The following SIM1 variants were observed in gnomAD, a reference collection of about 807,000 sequenced individuals.
SIM1 encodes the protein SIM bHLH transcription factor 1, also known as single-minded homolog 1.
SIM1 carries 18 observed loss-of-function variants against 78.2 expected under a neutral mutation model. The observed-to-expected ratio is 0.23, with a 90% CI of 0.16 to 0.34. The LOEUF is 0.34. SIM1 is among the 10% of genes least tolerant of loss of function. SIM1 has a pLI of 1.00. For missense variants in SIM1, 939 were observed against 975.1 expected, an observed-to-expected ratio of 0.96 and a Z score of 0.49; for synonymous variants, 417 against 385.2, an observed-to-expected ratio of 1.08 and a Z score of -0.97.
intron 10 of SIM1, among the ~76,000 whole-genome samples, chr6:100,397,311 T>A (rs1271146978): frequency 1.3e-5 from 2 of 152,170 alleles, no homozygotes; most frequent in African/African-American, 4.8e-5. Flanking sequence ...ATAAGGTCAT[T>A]AAGAAGCACA....
intron 9 of SIM1, among the ~76,000 whole-genome samples, chr6:100,434,005 A>T (rs1771974854): frequency 6.6e-6 from 1 of 152,166 alleles, no homozygotes; most frequent in Non-Finnish European, 1.5e-5. Flanking sequence ...AGCTGATTCT[A>T]ATGATAGAAA....
At chr6:100,416,396 C>T (rs980404051) in intron 10 of SIM1, among the ~76,000 whole-genome samples, 4 of 152,000 alleles carry the variant, frequency 2.6e-5, no homozygotes, top group African/African-American at 9.7e-5. Context: ...CATATTAGAG[C>T]AAAAAGCCTA....
chr6:100,420,651 T>C (rs542742585), intron 10 of SIM1, 139 bp downstream of exon 10: 57 of 812,756 alleles, frequency 7.0e-5, no homozygotes, highest in Non-Finnish European at 1.1e-4. Flanking sequence ...GCAGATAGTT[T>C]AGAGAACCTT....
At chr6:100,455,777 GC>G (rs1017704911) in intron 2 of SIM1, among the ~76,000 whole-genome samples, 1 of 152,222 alleles carries the variant, frequency 6.6e-6, no homozygotes, top group African/African-American at 2.4e-5. Flanking sequence ...CCCGAAGGGT[GC>G]GAAGACTGCG....
chr6:100,413,303 C>T (rs1450684216), intron 10 of SIM1, among the ~76,000 whole-genome samples: 1 of 152,146 alleles, frequency 6.6e-6, no homozygotes, highest in East Asian at 1.9e-4. Flanking sequence ...CACTCATGCA[C>T]TCACTCAATA....
intron 9 of SIM1, among the ~76,000 whole-genome samples, chr6:100,440,293 AT>A (rs1772174868): frequency 6.6e-6 from 1 of 152,198 alleles, no homozygotes; most frequent in Non-Finnish European, 1.5e-5. Context: ...CCTCACAGCT[AT>A]TATGTAGCAT....
chr6:100,447,167 C>A, intron 9 of SIM1, 101 bp downstream of exon 9: 1 of 1,375,178 alleles, frequency 7.3e-7, no homozygotes, highest in Admixed American at 2.2e-5. Context: ...TGGCATTCCC[C>A]GTGGCCCGAG....
chr6:100,428,494 G>A (rs1277956487), intron 9 of SIM1, among the ~76,000 whole-genome samples: 3 of 152,062 alleles, frequency 2.0e-5, no homozygotes, highest in South Asian at 2.1e-4. Context: ...AGCAGCTAAC[G>A]GGTGCCTTTT....
chr6:100,450,956 C>T (rs1582320300), intron 3 of SIM1, among the ~76,000 whole-genome samples: 1 of 152,118 alleles, frequency 6.6e-6, no homozygotes. Flanking sequence ...CAGAGTATTG[C>T]CATAGGGTGT....
At position 100,449,676 on chromosome 6, in the gene SIM1, A is replaced by G. The variant is rs762100237; in HGVS notation, c.372T>C (p.Ile124=). Residue 124 remains isoleucine (I), a synonymous_variant, in exon 5 of 12, where the codon ATT becomes ATC. Coordinates refer to ENST00000369208, the MANE Select transcript of SIM1 (RefSeq NM_005068.3). ...GGTCTGCCGGGTGAATGTATTCATAAATGCTGTTTCCGGTCAGCTCTACCT... is the reference window on the plus strand; with the variant it reads ...GGTCTGCCGGGTGAATGTATTCATAGATGCTGTTTCCGGTCAGCTCTACCT... The part of the protein sequence containing the change: ...LSQVELTGNS[I]YEYIHPADHD... 3 of 1,613,798 alleles carry G rather than the reference A, an allele frequency of 1.9e-6. No homozygotes were observed. The highest frequency in any genetic ancestry group is 8.5e-7 in the Non-Finnish European group (1 of 1,180,030).
intron 3 of SIM1, among the ~76,000 whole-genome samples, chr6:100,450,696 T>TCTCTCTCTCTCTCTCTCTCA (rs1421452803): frequency 1.9e-4 from 17 of 91,878 alleles, no homozygotes; most frequent in South Asian, 1.4e-3. Flanking sequence ...TCTCTCTCTC[T>TCTCTCTCTCTCTCTCTCTCA]CACACACACA....
At chr6:100,411,290 G>A (rs1473205865) in intron 10 of SIM1, among the ~76,000 whole-genome samples, 1 of 152,150 alleles carries the variant, frequency 6.6e-6, no homozygotes, top group East Asian at 1.9e-4. Context: ...TTTTCATTTT[G>A]TACTGGAGAC....
intron 9 of SIM1, among the ~76,000 whole-genome samples, chr6:100,425,557 G>A (rs546752658): frequency 6.6e-6 from 1 of 152,272 alleles, no homozygotes; most frequent in East Asian, 1.9e-4. Flanking sequence ...TTCAAATACG[G>A]TTGATGTGCT....
chr6:100,439,949 A>T (rs934398051), intron 9 of SIM1, among the ~76,000 whole-genome samples: 2 of 152,182 alleles, frequency 1.3e-5, no homozygotes, highest in African/African-American at 4.8e-5. Flanking sequence ...ACACACAAAG[A>T]GCACAAAACT....
chr6:100,403,315 C>A (rs1770975076), intron 10 of SIM1, among the ~76,000 whole-genome samples: 1 of 152,210 alleles, frequency 6.6e-6, no homozygotes, highest in South Asian at 2.1e-4. Context: ...CACAGTCCCC[C>A]AGCTCTCCCC....
intron 2 of SIM1, among the ~76,000 whole-genome samples, chr6:100,457,586 T>C (rs564225478): frequency 2.0e-4 from 30 of 152,306 alleles, no homozygotes; most frequent in Admixed American, 5.9e-4. Flanking sequence ...AGGCGTCGAG[T>C]GGCCTTCGTG....
chr6:100,457,835 T>C (rs951693668), intron 2 of SIM1, among the ~76,000 whole-genome samples: 3 of 152,154 alleles, frequency 2.0e-5, no homozygotes, highest in Admixed American at 1.3e-4. Flanking sequence ...CAGGTCTTGT[T>C]CCACGCAGCA....
At chr6:100,445,958 G>A (rs1036109121) in intron 9 of SIM1, among the ~76,000 whole-genome samples, 4 of 152,030 alleles carry the variant, frequency 2.6e-5, no homozygotes, top group Non-Finnish European at 2.9e-5. Flanking sequence ...AACCCAAAAT[G>A]TTGGTGAATT....
At chr6:100,396,126 G>A (rs564888828) in intron 10 of SIM1, 101 of 975,788 alleles carry the variant, frequency 1.0e-4, no homozygotes, top group South Asian at 4.7e-4. Flanking sequence ...ACAAGATATC[G>A]CCTTCACTTT....
Sources: gnomAD v4.1 joint callset for allele counts (sites outside exome capture counted in the v4.1 genomes callset) on GRCh38, gnomAD v4.1.1 for gene constraint, MANE v1.5 for transcripts, NCBI Gene and HGNC (gene_info 2026-07-23, HGNC 2026-07-21) for gene names.